Variants in ADHFE1 observed in about 807,000 individuals in gnomAD.
ADHFE1 encodes the protein alcohol dehydrogenase iron containing 1, also known as hydroxyacid-oxoacid transhydrogenase, mitochondrial.
In ADHFE1, 37 loss-of-function variants were observed where a neutral mutation model predicts 54.8. The ratio of observed to expected loss-of-function variants is 0.68; its 90% CI spans 0.52 to 0.89. The LOEUF is 0.89. ADHFE1 is among the 40% of genes least tolerant of loss of function. The pLI is 0.00. For missense variants in ADHFE1, 601 were observed against 591.2 expected (o/e 1.02, Z -0.17); for synonymous variants, 203 against 229.3 (o/e 0.89, Z 1.04).
At chr8:66,441,681 G>C (rs1308618398) in intron 2 of ADHFE1, among the ~76,000 whole-genome samples, 1 of 152,188 alleles carries the variant, frequency 6.6e-6, no homozygotes, top group Non-Finnish European at 1.5e-5. Context: ...CTAATCCTTT[G>C]CAAGGAAATA....
chr8:66,450,954 T>C (rs1806267879), intron 8 of ADHFE1, among the ~76,000 whole-genome samples: 2 of 152,268 alleles, frequency 1.3e-5, no homozygotes, highest in African/African-American at 2.4e-5. Context: ...TCCTCCATTC[T>C]AGGGAAAACG....
chr8:66,434,235 T>C (rs989797312), intron 1 of ADHFE1, among the ~76,000 whole-genome samples: 4 of 152,234 alleles, frequency 2.6e-5, no homozygotes, highest in Non-Finnish European at 5.9e-5. Flanking sequence ...GCAGGGATTG[T>C]AGGAGAGTTA....
At position 66,457,106 on chromosome 8, in the gene ADHFE1, G is replaced by T; in HGVS notation, c.1102G>T (p.Val368Leu). 1 of 1,613,974 alleles carries T rather than the reference G, an allele frequency of 6.2e-7. No individual in the cohort carries two copies. Among genetic ancestry groups the T allele is most frequent in the South Asian group, 1.1e-5 (1 of 91,056 alleles). ...GLSVVLTSPA[V>L]FTFTAQMFPE... Reference sequence around the variant, plus strand: ...TTCTGTGGTGCTCACGTCCCCAGCGGTGTTCACTTTCACGGCCCAGATGTT... The same window carrying T: ...TTCTGTGGTGCTCACGTCCCCAGCGTTGTTCACTTTCACGGCCCAGATGTT... The change falls in exon 12 of 14, where the codon GTG becomes TTG. Residue 368 changes from valine to leucine, a missense_variant. Coordinates refer to ENST00000396623, the MANE Select transcript of ADHFE1 (RefSeq NM_144650.3).
In ADHFE1 at chr8:66,432,527, C is replaced by CCGCCCGAGCCCGGGT. The variant is rs1303394432; in HGVS notation, c.15_29dup (p.Arg6_Ala10dup). 7.4e-7 allele frequency: 1 copy of CCGCCCGAGCCCGGGT among 1,359,730 alleles called. No individual in the cohort carries two copies. Among genetic ancestry groups the CCGCCCGAGCCCGGGT allele is most frequent in the African/African-American group, 1.5e-5 (1 of 66,518 alleles). The allele number at this position is 1,359,730 out of a possible 1,614,324, so 84.2% of individuals were successfully genotyped here. On this transcript the variant is annotated inframe_insertion, in exon 1 of 14. Coordinates refer to ENST00000396623, the MANE Select transcript of ADHFE1 (RefSeq NM_144650.3). ...AGGACTCCAAGCGCCATGGCCGCTG[C>CCGCCCGAGCCCGGGT]CGCCCGAGCCCGGGTCGCGTACTTG...
At chr8:66,433,224 G>A (rs1245910767) in intron 1 of ADHFE1, among the ~76,000 whole-genome samples, 2 of 152,198 alleles carry the variant, frequency 1.3e-5, no homozygotes, top group African/African-American at 2.4e-5. Context: ...GGGAAACATG[G>A]AAAAGTTTGA....
In ADHFE1 at chr8:66,460,362, C is replaced by T. The variant is rs1212148741; in HGVS notation, c.1217C>T (p.Thr406Met). 5.6e-6 allele frequency: 9 copies of T among 1,614,190 alleles called. No homozygotes were observed. Among genetic ancestry groups the T allele is most frequent in the African/African-American group, 1.3e-5 (1 of 75,064 alleles). The change falls in exon 13 of 14, where the codon ACG (threonine) becomes ATG (methionine). Residue 406 changes from threonine (T) to methionine (M), a missense_variant. Coordinates refer to ENST00000396623, the MANE Select transcript of ADHFE1 (RefSeq NM_144650.3). ...GATGCAGGGCTGGTGTTGGCAGACA[C>T]GCTCCGGAAATTCTTATTCGATCTG... ...IQDAGLVLAD[T>M]LRKFLFDLDV...
chr8:66,452,034 C>T lies in ADHFE1; in HGVS notation c.816C>T (p.Tyr272=), dbSNP rs1201001245. The change falls in exon 9 of 14, where the codon TAC becomes TAT. Residue 272 remains tyrosine (Y), a synonymous_variant. Transcript: ENST00000396623. ...CPSNPITRPA[Y]QGSNPISDIW... ...CAAATCCCATCACACGGCCTGCGTA[C>T]CAGGGCAGCAACCCAATCAGTGACA... is the stretch of plus-strand genomic sequence containing the variant. 2 of 1,614,224 alleles carry T rather than the reference C, an allele frequency of 1.2e-6. No individual in the cohort carries two copies.
rs1209862495 is a variant in ADHFE1 at position 66,444,586 on chromosome 8, T to C, written c.199-8T>C. The C allele has an allele frequency of 3.1e-6, 5 of 1,613,860 alleles. No individual in the cohort carries two copies. Among genetic ancestry groups the C allele is most frequent in the African/African-American group, 1.3e-5 (1 of 74,908 alleles). On this transcript the variant is annotated splice_polypyrimidine_tract_variant and splice_region_variant and intron_variant, in intron 4 of 13. Coordinates refer to ENST00000396623, the MANE Select transcript of ADHFE1 (RefSeq NM_144650.3). ...GGAGTTGAACCTAACTTATAGGTTT[T>C]CTTGTAGGACCTAAAAAACATGGGT...
intron 1 of ADHFE1, among the ~76,000 whole-genome samples, chr8:66,438,535 C>T (rs1466582693): frequency 6.6e-6 from 1 of 152,090 alleles, no homozygotes; most frequent in East Asian, 1.9e-4. Context: ...TGAGGTGCTA[C>T]GAGGTCTGAG....
intron 2 of ADHFE1, among the ~76,000 whole-genome samples, chr8:66,441,483 G>T (rs1020464164): frequency 5.3e-5 from 8 of 152,150 alleles, no homozygotes; most frequent in African/African-American, 1.9e-4. Flanking sequence ...AAGGTAGATT[G>T]TTGTCCACTT....
rs185136675 is a variant in ADHFE1, at chr8:66,440,117, A to G, written c.60-45A>G. ...TAAGGCTTTTCATTTTTTGGTCTCT[A>G]TTTTCACCTTAGGTTTTTTTTGCTG... On this transcript the variant is annotated intron_variant, in intron 1 of 13. Coordinates refer to ENST00000396623, the MANE Select transcript of ADHFE1 (RefSeq NM_144650.3). The G allele has an allele frequency of 6.8e-5, 109 of 1,595,830 alleles. 1 individual carries two copies. The East Asian group carries it at 2.3e-3, about 34-fold the overall frequency.
At chr8:66,454,945 T>C (rs961371580) in intron 10 of ADHFE1, among the ~76,000 whole-genome samples, 1 of 152,138 alleles carries the variant, frequency 6.6e-6, no homozygotes, top group Non-Finnish European at 1.5e-5. Context: ...CTCAAACTCC[T>C]GACCTTAGTT....
chr8:66,443,085 C>G (rs1184925975), intron 3 of ADHFE1, among the ~76,000 whole-genome samples: 1 of 152,000 alleles, frequency 6.6e-6, no homozygotes, highest in Non-Finnish European at 1.5e-5. Flanking sequence ...AGGATAAATT[C>G]CCAATTCTAC....
chr8:66,460,349 G>A lies in ADHFE1; in HGVS notation c.1204G>A (p.Val402Met). The A allele has an allele frequency of 6.2e-7, 1 of 1,614,210 alleles. No individual in the cohort carries two copies. The highest frequency in any genetic ancestry group is 8.5e-7 in the Non-Finnish European group (1 of 1,180,038). The change falls in exon 13 of 14, where the codon GTG becomes ATG. Residue 402 changes from valine to methionine, a missense_variant. Transcript: ENST00000396623. ...RTARIQDAGL[V>M]LADTLRKFLF... ...TGCCAGGATCCAAGATGCAGGGCTG[G>A]TGTTGGCAGACACGCTCCGGAAATT...
chr8:66,448,395 G>C (rs1028966008), intron 7 of ADHFE1, among the ~76,000 whole-genome samples: 2 of 152,080 alleles, frequency 1.3e-5, no homozygotes, highest in African/African-American at 4.8e-5. Flanking sequence ...AGCTCAATGA[G>C]AGCTGGAGGC....
At position 66,455,012 on chromosome 8, in the gene ADHFE1, CA is replaced by C. The variant is rs1353075382; in HGVS notation, c.986+856del. On this transcript the variant is annotated intron_variant, in intron 10 of 13. Coordinates refer to ENST00000396623, the MANE Select transcript of ADHFE1 (RefSeq NM_144650.3). ...AATTACAGGCATGAGCCACCACGCCCAGCCTACTTTCTATCTCTGTAGACTT... is the reference window on the plus strand; with the variant it reads ...AATTACAGGCATGAGCCACCACGCCCGCCTACTTTCTATCTCTGTAGACTT... Among the ~76,000 whole-genome samples the C allele has an allele frequency of 2.6e-5, 4 of 152,342 alleles. No homozygotes were observed. The East Asian group carries it at 7.7e-4, about 29-fold the overall frequency.
chr8:66,460,215 G>T, intron 12 of ADHFE1, 93 bp from the exon 13 acceptor site: 4 of 1,492,850 alleles, frequency 2.7e-6, no homozygotes, highest in South Asian at 2.3e-5. Flanking sequence ...GACCCCGTGG[G>T]TGTGCATGGT....
chr8:66,461,318 C>A (rs1015511201), intron 13 of ADHFE1, among the ~76,000 whole-genome samples: 3 of 152,142 alleles, frequency 2.0e-5, no homozygotes, highest in African/African-American at 7.2e-5. Context: ...GGATAAGGAT[C>A]TTCTGCCACA....
intron 2 of ADHFE1, among the ~76,000 whole-genome samples, chr8:66,441,075 C>G (rs1045692467): frequency 6.6e-6 from 1 of 152,166 alleles, no homozygotes; most frequent in Non-Finnish European, 1.5e-5. Flanking sequence ...TGAACATATA[C>G]AGAATTTTGT....
Sources: allele counts gnomAD v4.1 joint callset (sites outside exome capture counted in the v4.1 genomes callset), GRCh38; gene constraint gnomAD v4.1.1; transcripts MANE v1.5; gene names NCBI Gene and HGNC (gene_info 2026-07-23, HGNC 2026-07-21).